The following SAT1 variants were observed in gnomAD, a reference collection of about 807,000 sequenced individuals.
SAT1 encodes spermidine/spermine N1-acetyltransferase 1, also known as diamine acetyltransferase 1.
In SAT1, 1 loss-of-function variant was observed where a neutral mutation model predicts 14.7. That is an observed-to-expected ratio of 0.07 (90% confidence interval 0.02 to 0.32). The LOEUF (loss-of-function observed/expected upper bound fraction) is 0.32. Ranked by LOEUF, SAT1 falls within the 10% of genes least tolerant of loss-of-function variation. The pLI, the probability that SAT1 is intolerant of heterozygous loss-of-function variation, is 1.00. For missense variants in SAT1, 77 were observed against 129.1 expected (o/e 0.60, Z 1.96); for synonymous variants, 67 against 46.1 (o/e 1.45, Z -1.84).
At chrX:23,784,747 G>GT (rs1400057856) in intron 3 of SAT1, 1 of 111,472 alleles carries the variant, frequency 9.0e-6, no homozygotes, top group Non-Finnish European at 1.9e-5. Flanking sequence ...CGTAATACCT[G>GT]TTTCTGGGCA....
At position 23,785,918 on chromosome X, in the gene SAT1, C is replaced by A; in HGVS notation, c.*62C>A. The A allele has an allele frequency of 1.0e-6, 1 of 959,002 alleles. No homozygotes were observed. Among genetic ancestry groups the A allele is most frequent in the Non-Finnish European group, 1.4e-6 (1 of 705,254 alleles). The allele number at this position is 959,002 out of a possible 1,213,427, so 79.0% of individuals were successfully genotyped here. A position where few individuals can be genotyped will look rare whatever the true frequency, so the allele number is the denominator to read the frequency against. On this transcript the variant is annotated 3_prime_UTR_variant, in exon 6 of 6. Transcript: ENST00000379270. ...TAGAATAAATTCCCAACTTCTCTTGCTTTCTATGCTGTTTGTAGTGAAATA... is the reference window on the plus strand; with the variant it reads ...TAGAATAAATTCCCAACTTCTCTTGATTTCTATGCTGTTTGTAGTGAAATA...
chrX:23,783,924 T>C, intron 3 of SAT1, 41 bp downstream of exon 3: 1 of 1,211,206 alleles, frequency 8.3e-7, no homozygotes, highest in Non-Finnish European at 1.1e-6. Flanking sequence ...AGACCAAGTG[T>C]TATGTAAGAA....
Position 23,785,700 on chromosome X carries a change from T to G in SAT1, c.360T>G (p.Cys120Trp). The G allele has an allele frequency of 8.3e-7, 1 of 1,208,443 alleles. No individual in the cohort carries two copies. ...LKNLSQVAMRCRCSSMHFLVA... is the reference protein window; with the variant it reads ...LKNLSQVAMRWRCSSMHFLVA... Reference sequence around the variant, plus strand: ...TCTCATAATAGGTTGCAATGAGGTGTCGCTGCAGCAGCATGCACTTCTTGG... The same window carrying G: ...TCTCATAATAGGTTGCAATGAGGTGGCGCTGCAGCAGCATGCACTTCTTGG... The change falls in exon 6 of 6, where the codon TGT becomes TGG. Residue 120 changes from cysteine (C) to tryptophan (W), a missense_variant. Transcript: ENST00000379270.
Position 23,783,393 on chromosome X carries a change from C to T in SAT1, c.42C>T (p.Cys14=), listed in dbSNP as rs1316249978. Residue 14 remains cysteine, a synonymous_variant, in exon 1 of 6, where the codon TGC becomes TGT. Transcript: ENST00000379270. ...FVIRPATAAD[C]SDILRLIKEL... ...TCCGCCCAGCCACTGCCGCCGACTG[C>T]AGTGACATACTGCGGCTGATCAAGG... The T allele has an allele frequency of 1.7e-6, 2 of 1,210,626 alleles. No homozygotes were observed. The highest frequency in any genetic ancestry group is 1.7e-5 in the African/African-American group (1 of 57,893).
Position 23,786,017 on chromosome X carries a change from G to A in SAT1, c.*161G>A. 2.4e-6 allele frequency: 1 copy of A among 424,652 alleles called. No homozygotes were observed. Among genetic ancestry groups the A allele is most frequent in the Non-Finnish European group, 3.9e-6 (1 of 253,855 alleles). The allele number at this position is 424,652 out of a possible 1,213,427, so 35.0% of individuals were successfully genotyped here. On this transcript the variant is annotated 3_prime_UTR_variant, in exon 6 of 6. Coordinates refer to ENST00000379270, the MANE Select transcript of SAT1 (RefSeq NM_002970.4). ...ATGTTTGAAATGAGGTCTGTTTAAA[G>A]TGGCAATCTCAGATGCAGTTTGGAG...
chrX:23,783,264 C>G lies in SAT1; in HGVS notation c.-88C>G, dbSNP rs976220881. ...TGCCAGCCTGACTGAGAAGAGGACG[C>G]TCCCGGGAGACGAATGAGGAACCAC... On this transcript the variant is annotated 5_prime_UTR_variant, in exon 1 of 6. Coordinates refer to ENST00000379270, the MANE Select transcript of SAT1 (RefSeq NM_002970.4). 3 of 912,436 alleles carry G rather than the reference C, an allele frequency of 3.3e-6. No homozygotes were observed. In the African/African-American group the frequency reaches 5.8e-5, roughly 18 times the overall value. The allele number at this position is 912,436 out of a possible 1,213,427, so 75.2% of individuals were successfully genotyped here. A position where few individuals can be genotyped will look rare whatever the true frequency, so the allele number is the denominator to read the frequency against.
chrX:23,785,674 C>G lies in SAT1; in HGVS notation c.346-12C>G. ...AATGTCACTGAGTGTGTGTTTTACTCTCTCATAATAGGTTGCAATGAGGTG... is the reference window on the plus strand; with the variant it reads ...AATGTCACTGAGTGTGTGTTTTACTGTCTCATAATAGGTTGCAATGAGGTG... On this transcript the variant is annotated splice_polypyrimidine_tract_variant and intron_variant, in intron 5 of 5. Transcript: ENST00000379270. 2.5e-6 allele frequency: 3 copies of G among 1,204,665 alleles called. No individual in the cohort carries two copies. The African/African-American group carries it at 5.2e-5, about 21-fold the overall frequency.
chrX:23,784,387 T>C, intron 3 of SAT1: 1 of 733,491 alleles, frequency 1.4e-6, no homozygotes, highest in Non-Finnish European at 1.6e-6. Context: ...ATAAAGTAGA[T>C]GATCATGATA....
Position 23,783,878 on chromosome X carries a change from C to A in SAT1, c.197C>A (p.Pro66Gln). The A allele has an allele frequency of 8.3e-7, 1 of 1,211,470 alleles. No homozygotes were observed. The highest frequency in any genetic ancestry group is 1.1e-6 in the Non-Finnish European group (1 of 895,490). Residue 66 changes from proline (P) to glutamine (Q), a missense_variant, in exon 3 of 6, where the codon CCG becomes CAG. Coordinates refer to ENST00000379270, the MANE Select transcript of SAT1 (RefSeq NM_002970.4). ...VAEVPKEHWTPEGHSIVGFAM... is the reference protein window; with the variant it reads ...VAEVPKEHWTQEGHSIVGFAM... ...GAAGTGCCGAAAGAGCACTGGACTCCGGAAGGTAACCCCTCGCCCTTTCCA... is the reference window on the plus strand; with the variant it reads ...GAAGTGCCGAAAGAGCACTGGACTCAGGAAGGTAACCCCTCGCCCTTTCCA...
In SAT1 at chrX:23,784,233, G is replaced by T. The variant is rs1922630858; in HGVS notation, c.202+350G>T. 2.1e-5 allele frequency: 18 copies of T among 862,143 alleles called. No homozygotes were observed. In the South Asian group the frequency reaches 8.4e-4, roughly 40 times the overall value. 71.1% of individuals were successfully genotyped at this position (862,143 alleles called of 1,213,427 possible). A position where few individuals can be genotyped will look rare whatever the true frequency, so the allele number is the denominator to read the frequency against. Reference sequence around the variant, plus strand: ...AAAATGGTTCTTGTTTGACCCTAACGTAACAGTTTTTGTAATTGTGTTAAA... The same window carrying T: ...AAAATGGTTCTTGTTTGACCCTAACTTAACAGTTTTTGTAATTGTGTTAAA... On this transcript the variant is annotated intron_variant, in intron 3 of 5. Coordinates refer to ENST00000379270, the MANE Select transcript of SAT1 (RefSeq NM_002970.4).
At chrX:23,783,548 C>G (rs1922582665) in intron 1 of SAT1, 110 bp from the exon 2 acceptor site, 1 of 943,241 alleles carries the variant, frequency 1.1e-6, no homozygotes, top group South Asian at 2.4e-5. Context: ...GCGCCCATCC[C>G]CGGCTCGGCC....
chrX:23,784,166 G>A (rs1038084647), intron 3 of SAT1: 114 of 942,622 alleles, frequency 1.2e-4, no homozygotes, highest in Non-Finnish European at 1.5e-4. Context: ...TGGAGACCCG[G>A]AAGAGTTAGA....
Position 23,785,978 on chromosome X carries a change from A to G in SAT1, c.*122A>G, listed in dbSNP as rs1217729698. 1.7e-6 allele frequency: 1 copy of G among 591,659 alleles called. No individual in the cohort carries two copies. The highest frequency in any genetic ancestry group is 3.8e-5 in the East Asian group (1 of 26,014). The allele number at this position is 591,659 out of a possible 1,213,427, so 48.8% of individuals were successfully genotyped here. A position where few individuals can be genotyped will look rare whatever the true frequency, so the allele number is the denominator to read the frequency against. On this transcript the variant is annotated 3_prime_UTR_variant, in exon 6 of 6. Transcript: ENST00000379270. ...GCACCCATTCCAAAGCTTTATTACC[A>G]GTGGCGTTGTTGCATGTTTGAAATG...
chrX:23,783,891 C>T lies in SAT1; in HGVS notation c.202+8C>T, dbSNP rs761659596. 9.1e-6 allele frequency: 11 copies of T among 1,209,537 alleles called. No individual in the cohort carries two copies. Among genetic ancestry groups the T allele is most frequent in the Non-Finnish European group, 1.2e-5 (11 of 895,201 alleles). On this transcript the variant is annotated splice_region_variant and intron_variant, in intron 3 of 5. Coordinates refer to ENST00000379270, the MANE Select transcript of SAT1 (RefSeq NM_002970.4). ...AGCACTGGACTCCGGAAGGTAACCC[C>T]TCGCCCTTTCCAGAAGCCAGAGAGA... is the stretch of plus-strand genomic sequence containing the variant.
rs1328342274 is a variant in SAT1 at position 23,783,696 on chromosome X, C to G, written c.105C>G (p.Ile35Met). Residue 35 changes from isoleucine to methionine, a missense_variant, in exon 2 of 6, where the codon ATC becomes ATG. Ile to Met is a conservative substitution (Grantham distance 10). Coordinates refer to ENST00000379270, the MANE Select transcript of SAT1 (RefSeq NM_002970.4). ...AKYEYMEEQVILTEKDLLEDG... is the reference protein window; with the variant it reads ...AKYEYMEEQVMLTEKDLLEDG... ...ATGAATACATGGAAGAACAAGTAATCTTAACTGAAAAAGGTAATTCAACAG... is the reference window on the plus strand; with the variant it reads ...ATGAATACATGGAAGAACAAGTAATGTTAACTGAAAAAGGTAATTCAACAG... The G allele has an allele frequency of 1.7e-6, 2 of 1,208,231 alleles. No homozygotes were observed.
At position 23,785,281 on chromosome X, in the gene SAT1, A is replaced by G. The variant is rs758406520; in HGVS notation, c.203-47A>G. 15 of 986,892 alleles carry G rather than the reference A, an allele frequency of 1.5e-5. No individual in the cohort carries two copies. The East Asian group carries it at 1.8e-4, about 12-fold the overall frequency. 81.3% of individuals were successfully genotyped at this position (986,892 alleles called of 1,213,427 possible). A position where few individuals can be genotyped will look rare whatever the true frequency, so the allele number is the denominator to read the frequency against. On this transcript the variant is annotated intron_variant, in intron 3 of 5. Coordinates refer to ENST00000379270, the MANE Select transcript of SAT1 (RefSeq NM_002970.4). ...CTCTGATTCTGCAGCTGCAACTTTT[A>G]TGGAATGTTTTCCTTCTCCACATCT...
At chrX:23,783,580 A>G in intron 1 of SAT1, 78 bp from the exon 2 acceptor site, 2 of 379,129 alleles carry the variant, frequency 5.3e-6, no homozygotes, top group Non-Finnish European at 8.0e-6. Context: ...CGCCCGCCCC[A>G]TTCCGTTCCC....
chrX:23,783,615 A>G (rs1601855374), intron 1 of SAT1, 43 bp from the exon 2 acceptor site: 1 of 1,048,872 alleles, frequency 9.5e-7, no homozygotes, highest in Non-Finnish European at 1.3e-6. Flanking sequence ...CCGGAGCCTC[A>G]TTTTGTTTTC....
rs1431358550 is a variant in SAT1 at position 23,785,908 on chromosome X, A to G, written c.*52A>G. ...CATTCTATTTTAGAATAAATTCCCA[A>G]CTTCTCTTGCTTTCTATGCTGTTTG... On this transcript the variant is annotated 3_prime_UTR_variant, in exon 6 of 6. Coordinates refer to ENST00000379270, the MANE Select transcript of SAT1 (RefSeq NM_002970.4). 1 of 1,014,893 alleles carries G rather than the reference A, an allele frequency of 9.9e-7. No homozygotes were observed. The highest frequency in any genetic ancestry group is 1.9e-5 in the African/African-American group (1 of 52,315). 83.6% of individuals were successfully genotyped at this position (1,014,893 alleles called of 1,213,427 possible).
Sources: gnomAD v4.1 joint callset for allele counts on GRCh38, gnomAD v4.1.1 for gene constraint, MANE v1.5 for transcripts, NCBI Gene and HGNC (gene_info 2026-07-23, HGNC 2026-07-21) for gene names.